The following LRRC37A variants were observed in gnomAD, a reference collection of about 807,000 sequenced individuals.
LRRC37A encodes the protein leucine rich repeat containing 37A.
Under a neutral mutation model 35.4 loss-of-function variants are expected in LRRC37A, and 3 were observed. The ratio of observed to expected loss-of-function variants is 0.08; its 90% confidence interval spans 0.04 to 0.22. The LOEUF (loss-of-function observed/expected upper bound fraction) is 0.22, where lower values mean the gene tolerates loss of function less well. Among genes scored for constraint, LRRC37A ranks in the 10% least tolerant of loss-of-function variants. LRRC37A has a pLI of 1.00. For missense variants in LRRC37A, 67 were observed against 565.3 expected (o/e 0.12, Z 8.94); for synonymous variants, 23 against 215.0 (o/e 0.11, Z 7.81).
the LRRC37A span, chr17:46,267,222 C>G: frequency 8.6e-6 from 6 of 695,906 alleles, no homozygotes; most frequent in African/African-American, 1.1e-4. Context: ...ACGCGAGATC[C>G]CAGGGCGCCC....
At chr17:46,288,421 G>A (rs1294879819), upstream of LRRC37A, among the ~76,000 whole-genome samples, 3 of 146,880 alleles carry the variant, frequency 2.0e-5, no homozygotes, top group Admixed American at 2.1e-4. Context: ...CAATTCTCTT[G>A]CCTCAGCTTC....
At chr17:46,270,680 G>A in the LRRC37A span, among the ~76,000 whole-genome samples, 8,610 of 152,090 alleles carry the variant, frequency 0.057, 837 homozygotes, top group African/African-American at 0.2. Context: ...AGACCAAGGC[G>A]GGTGGATCAC....
chr17:46,278,222 A>G, the LRRC37A span, among the ~76,000 whole-genome samples: 1 of 151,968 alleles, frequency 6.6e-6, no homozygotes, highest in African/African-American at 2.4e-5. Context: ...CTGGGATTAC[A>G]GGCATAAGCC....
the LRRC37A span, among the ~76,000 whole-genome samples, chr17:46,281,895 C>T: frequency 1.3e-5 from 2 of 152,172 alleles, no homozygotes; most frequent in East Asian, 1.9e-4. Context: ...CCACCCGCCT[C>T]GGCCTCCCAA....
chr17:46,257,458 A>G, the LRRC37A span, among the ~76,000 whole-genome samples: 1 of 145,484 alleles, frequency 6.9e-6, no homozygotes, highest in Non-Finnish European at 1.5e-5. Flanking sequence ...GTCTCAAAAA[A>G]AAAAAAAAAA....
the LRRC37A span, among the ~76,000 whole-genome samples, chr17:46,269,102 T>C: frequency 2.6e-5 from 3 of 115,486 alleles, no homozygotes; most frequent in African/African-American, 7.8e-5. Flanking sequence ...AAACCTGATT[T>C]ATATTCAAAA....
upstream of LRRC37A, among the ~76,000 whole-genome samples, chr17:46,288,536 G>A (rs878978312): frequency 6.6e-6 from 1 of 151,910 alleles, no homozygotes; most frequent in African/African-American, 2.4e-5. Context: ...GACTTCAGGC[G>A]ATCCACCTGC....
the LRRC37A span, among the ~76,000 whole-genome samples, chr17:46,274,461 T>A: frequency 6.6e-6 from 1 of 152,170 alleles, no homozygotes; most frequent in African/African-American, 2.4e-5. Flanking sequence ...GATTCGCAGT[T>A]GTGTGTGTGT....
At chr17:46,260,772 C>T in the LRRC37A span, among the ~76,000 whole-genome samples, 1 of 152,102 alleles carries the variant, frequency 6.6e-6, no homozygotes. Flanking sequence ...TACAGGCATG[C>T]GCCACCATGC....
the LRRC37A span, among the ~76,000 whole-genome samples, chr17:46,279,500 C>CTTTT: frequency 1.5e-4 from 18 of 122,412 alleles, no homozygotes; most frequent in African/African-American, 3.3e-4. Flanking sequence ...TTCTTTCTTT[C>CTTTT]TTTTTTTTTT....
At chr17:46,273,709 T>C in the LRRC37A span, among the ~76,000 whole-genome samples, 1 of 152,262 alleles carries the variant, frequency 6.6e-6, no homozygotes, top group Non-Finnish European at 1.5e-5. Flanking sequence ...AGTAATACAA[T>C]GTGTAAGAAC....
chr17:46,263,271 G>A, the LRRC37A span, among the ~76,000 whole-genome samples: 1 of 152,000 alleles, frequency 6.6e-6, no homozygotes, highest in South Asian at 2.1e-4. Flanking sequence ...ATAAAATGGA[G>A]CCCGGTGCAG....
At chr17:46,256,253 C>T in the LRRC37A span, among the ~76,000 whole-genome samples, 5 of 152,114 alleles carry the variant, frequency 3.3e-5, no homozygotes, top group South Asian at 2.1e-4. Flanking sequence ...GGCGTGGTGG[C>T]GCAAGTCTGT....
intron 5 of LRRC37A, among the ~76,000 whole-genome samples, chr17:46,317,145 T>C (rs1379216788): frequency 4.5e-5 from 4 of 89,626 alleles, no homozygotes; most frequent in Non-Finnish European, 3.2e-5. Flanking sequence ...CCAGATGGGG[T>C]GGCGGCCGGG....
the LRRC37A span, among the ~76,000 whole-genome samples, chr17:46,287,485 T>G: frequency 2.4e-4 from 37 of 152,378 alleles, no homozygotes; most frequent in Middle Eastern, 6.8e-3. Context: ...GTCAGCCAGG[T>G]GTAGAAGATA....
chr17:46,256,269 C>T, the LRRC37A span, among the ~76,000 whole-genome samples: 1 of 152,076 alleles, frequency 6.6e-6, no homozygotes, highest in African/African-American at 2.4e-5. Flanking sequence ...TCTGTAATCC[C>T]AGCTACTTGG....
At chr17:46,291,496 A>AGGCGCT (rs1555613277), upstream of LRRC37A, among the ~76,000 whole-genome samples, 415 of 151,180 alleles carry the variant, frequency 2.7e-3, 3 homozygotes, top group African/African-American at 9.6e-3. Context: ...AGGCAGTGAT[A>AGGCGCT]GGCTCCCTGC....
chr17:46,250,330 T>C, the LRRC37A span, among the ~76,000 whole-genome samples: 1 of 152,236 alleles, frequency 6.6e-6, no homozygotes, highest in African/African-American at 2.4e-5. Flanking sequence ...CTCAGTGTGA[T>C]GGTTAATACT....
the LRRC37A span, among the ~76,000 whole-genome samples, chr17:46,271,164 CTTTT>C: frequency 1.6e-5 from 2 of 121,288 alleles, no homozygotes; most frequent in Admixed American, 8.6e-5. Context: ...GTAATAGTTT[CTTTT>C]TTTTTTTTTT....
Sources: gnomAD v4.1 joint callset for allele counts (sites outside exome capture counted in the v4.1 genomes callset) on GRCh38, gnomAD v4.1.1 for gene constraint, MANE v1.5 for transcripts, NCBI Gene and HGNC (gene_info 2026-07-23, HGNC 2026-07-21) for gene names.